Variants in CNBD1 observed in about 807,000 individuals in gnomAD.
The protein encoded by CNBD1 is cyclic nucleotide-binding domain-containing protein 1.
In CNBD1, 71 loss-of-function variants were observed where a neutral mutation model predicts 54.4. The observed-to-expected ratio is 1.30, with a 90% CI of 1.08 to 1.59. CNBD1 has a LOEUF of 1.59. Among genes scored for constraint, CNBD1 ranks in the 40% most tolerant of loss-of-function variants. The pLI is 0.00. For missense variants in CNBD1, 659 were observed against 518.0 expected (o/e 1.27, Z -2.64); for synonymous variants, 182 against 170.7 (o/e 1.07, Z -0.51).
intron 4 of CNBD1, among the ~76,000 whole-genome samples, chr8:87,152,672 T>C (rs989045409): frequency 6.6e-6 from 1 of 152,142 alleles, no homozygotes; most frequent in Non-Finnish European, 1.5e-5. Flanking sequence ...CAAATGCCTA[T>C]ATGGATGAAC....
chr8:86,897,096 C>T (rs946259995), intron 2 of CNBD1, among the ~76,000 whole-genome samples: 3 of 152,134 alleles, frequency 2.0e-5, no homozygotes, highest in African/African-American at 7.2e-5. Context: ...ATCACCAGAA[C>T]CAATTTCGTG....
chr8:86,985,938 GT>G (rs747402563), intron 4 of CNBD1, among the ~76,000 whole-genome samples: 1 of 151,870 alleles, frequency 6.6e-6, no homozygotes, highest in African/African-American at 2.4e-5. Flanking sequence ...ATTGTTGCTT[GT>G]TTTTTCCTGA....
intron 4 of CNBD1, among the ~76,000 whole-genome samples, chr8:87,128,770 C>A (rs1812052535): frequency 6.6e-6 from 1 of 151,518 alleles, no homozygotes; most frequent in Admixed American, 6.6e-5. Flanking sequence ...GATTTGCTTT[C>A]CTAATATGGT....
chr8:87,390,236 A>G (rs1487926024), intron 2 of CNBD1, among the ~76,000 whole-genome samples: 1 of 152,208 alleles, frequency 6.6e-6, no homozygotes, highest in African/African-American at 2.4e-5. Context: ...ACAAAAGCCA[A>G]AATTGACAAA....
rs549126091 is a variant in CNBD1, at chr8:87,264,610, C to T, written c.772-20068C>T. Among the ~76,000 whole-genome samples the T allele has an allele frequency of 2.8e-4, 42 of 152,246 alleles. 1 individual carries two copies. Among genetic ancestry groups the T allele is most frequent in the African/African-American group, 8.2e-4 (34 of 41,514 alleles). ...CAATGGTTGAACTAGTTTACAGTCC[C>T]ACCAACAGTGTAAAAGCGTTCCTAT... On this transcript the variant is annotated intron_variant, in intron 6 of 10. Coordinates refer to ENST00000518476, the MANE Select transcript of CNBD1 (RefSeq NM_173538.3).
At chr8:87,083,494 C>T (rs1167499143) in intron 4 of CNBD1, among the ~76,000 whole-genome samples, 1 of 149,816 alleles carries the variant, frequency 6.7e-6, no homozygotes, top group Non-Finnish European at 1.5e-5. Flanking sequence ...ACTCAACCAA[C>T]TGTCAACCAA....
intron 5 of CNBD1, among the ~76,000 whole-genome samples, chr8:87,210,730 G>T (rs1349342992): frequency 6.6e-6 from 1 of 152,190 alleles, no homozygotes; most frequent in Admixed American, 6.5e-5. Context: ...CCTCTGCCAA[G>T]ATTTCAATGG....
intron 4 of CNBD1, among the ~76,000 whole-genome samples, chr8:87,006,663 A>C: frequency 6.6e-6 from 1 of 152,164 alleles, no homozygotes; most frequent in African/African-American, 2.4e-5. Flanking sequence ...ACCAGGTATC[A>C]TGAAGCAGCA....
At chr8:87,385,290 C>G (rs147705225), downstream of CNBD1, among the ~76,000 whole-genome samples, 4 of 152,100 alleles carry the variant, frequency 2.6e-5, no homozygotes, top group African/African-American at 7.2e-5. Context: ...GTGGGTGCAG[C>G]GCACCGAGTG....
chr8:86,962,167 C>T (rs1318809107), intron 4 of CNBD1, among the ~76,000 whole-genome samples: 2 of 152,058 alleles, frequency 1.3e-5, no homozygotes, highest in Admixed American at 1.3e-4. Context: ...CCCAGGACTT[C>T]AGAGGTTATC....
rs1810721214 is a variant in CNBD1, at chr8:87,069,618, T to G, written c.431+129864T>G. Among the ~76,000 whole-genome samples the G allele has an allele frequency of 2.0e-5, 3 of 152,086 alleles. No individual in the cohort carries two copies. In the South Asian group the frequency reaches 6.2e-4, roughly 31 times the overall value. ...ACAAAATTGCCTAACAAGGAATTTC[T>G]CAGAAGCTATTTCCATCATTAAGCA... On this transcript the variant is annotated intron_variant, in intron 4 of 10. Coordinates refer to ENST00000518476, the MANE Select transcript of CNBD1 (RefSeq NM_173538.3).
chr8:87,140,618 G>A (rs906536913), intron 4 of CNBD1, among the ~76,000 whole-genome samples: 1 of 151,990 alleles, frequency 6.6e-6, no homozygotes, highest in Admixed American at 6.6e-5. Context: ...GTACAATGGG[G>A]TATTGAATTT....
chr8:86,923,649 C>G lies in CNBD1; in HGVS notation c.273-15947C>G, dbSNP rs568923085. Among the ~76,000 whole-genome samples the G allele has an allele frequency of 3.8e-4, 58 of 152,258 alleles. 2 individuals carry two copies. In the South Asian group the frequency reaches 0.012, roughly 30 times the overall value. ...AGATTCCTTGCCTCCAGACCCCATT[C>G]TCCTGCCTCAATGCAACATCTCTTC... On this transcript the variant is annotated intron_variant, in intron 3 of 10. Coordinates refer to ENST00000518476, the MANE Select transcript of CNBD1 (RefSeq NM_173538.3).
At chr8:87,268,055 C>T (rs947205439) in intron 6 of CNBD1, among the ~76,000 whole-genome samples, 6 of 151,958 alleles carry the variant, frequency 3.9e-5, no homozygotes, top group Non-Finnish European at 8.8e-5. Flanking sequence ...GTCCCATCAC[C>T]CAGGTAGTGA....
intron 4 of CNBD1, among the ~76,000 whole-genome samples, chr8:87,092,038 ATATT>A (rs1211707058): frequency 5.3e-5 from 8 of 152,216 alleles, no homozygotes; most frequent in African/African-American, 1.7e-4. Flanking sequence ...GCAGATGGTT[ATATT>A]TATTTCATAT....
intron 4 of CNBD1, among the ~76,000 whole-genome samples, chr8:87,201,915 G>A (rs1296683399): frequency 6.6e-6 from 1 of 151,974 alleles, no homozygotes; most frequent in Non-Finnish European, 1.5e-5. Flanking sequence ...ACCACACCTA[G>A]CTAGTTTTTG....
intron 4 of CNBD1, among the ~76,000 whole-genome samples, chr8:87,184,728 A>G (rs1813437644): frequency 6.6e-6 from 1 of 152,044 alleles, no homozygotes; most frequent in Non-Finnish European, 1.5e-5. Context: ...CTCCGGGTCT[A>G]CATCCTCCCT....
intron 4 of CNBD1, among the ~76,000 whole-genome samples, chr8:87,081,463 T>C (rs1405214776): frequency 6.6e-6 from 1 of 152,008 alleles, no homozygotes; most frequent in Admixed American, 6.6e-5. Flanking sequence ...GAAAAAACAG[T>C]GCATTCTGCT....
chr8:87,264,361 G>A (rs1294466441), intron 6 of CNBD1, among the ~76,000 whole-genome samples: 1 of 152,080 alleles, frequency 6.6e-6, no homozygotes, highest in Admixed American at 6.6e-5. Flanking sequence ...GTATTCCATG[G>A]TGTATATGTG....
Sources: allele counts gnomAD v4.1 joint callset (sites outside exome capture counted in the v4.1 genomes callset), GRCh38; gene constraint gnomAD v4.1.1; transcripts MANE v1.5; gene names NCBI Gene and HGNC (gene_info 2026-07-23, HGNC 2026-07-21).